The following CAMK2D variants were observed in gnomAD, a reference collection of about 807,000 sequenced individuals.
CAMK2D encodes the protein calcium/calmodulin-dependent protein kinase type II subunit delta.
A neutral mutation model predicts 84.0 loss-of-function variants in CAMK2D; 37 were observed. The observed-to-expected ratio is 0.44, with a 90% CI of 0.34 to 0.58. The LOEUF is 0.58. CAMK2D is among the 20% of genes least tolerant of loss of function. The pLI is 0.02. For missense variants in CAMK2D, 448 were observed against 652.5 expected, an observed-to-expected ratio of 0.69 and a Z score of 3.41; for synonymous variants, 202 against 212.5, an observed-to-expected ratio of 0.95 and a Z score of 0.43.
intron 4 of CAMK2D, among the ~76,000 whole-genome samples, chr4:113,583,749 T>G (rs1257754123): frequency 6.6e-6 from 1 of 152,256 alleles, no homozygotes; most frequent in Non-Finnish European, 1.5e-5. Context: ...ATGTACTTAC[T>G]GAAGTTATTT....
chr4:113,655,695 A>G (rs1380487620), intron 3 of CAMK2D, among the ~76,000 whole-genome samples: 1 of 152,114 alleles, frequency 6.6e-6, no homozygotes, highest in Non-Finnish European at 1.5e-5. Context: ...GTTGTCTCAA[A>G]TATTGATCTT....
intron 4 of CAMK2D, among the ~76,000 whole-genome samples, chr4:113,606,912 T>C (rs185508228): frequency 2.6e-5 from 4 of 152,144 alleles, no homozygotes; most frequent in African/African-American, 7.2e-5. Context: ...AGAGAACTAA[T>C]ACCTTATCTT....
intron 3 of CAMK2D, among the ~76,000 whole-genome samples, chr4:113,659,524 CAAG>C (rs2099218894): frequency 6.6e-6 from 1 of 152,094 alleles, no homozygotes; most frequent in South Asian, 2.1e-4. Flanking sequence ...GGTGTCCTTA[CAAG>C]AAGAAATGAG....
At chr4:113,734,816 A>G (rs1021614799) in intron 2 of CAMK2D, among the ~76,000 whole-genome samples, 1 of 152,058 alleles carries the variant, frequency 6.6e-6, no homozygotes, top group Non-Finnish European at 1.5e-5. Flanking sequence ...AAAAAGTATA[A>G]TATGACCATT....
rs527830719 is a variant in CAMK2D at position 113,457,408 on chromosome 4, C to T, written c.1462G>A (p.Val488Met). 1.2e-6 allele frequency: 2 copies of T among 1,613,896 alleles called. No individual in the cohort carries two copies. The highest frequency in any genetic ancestry group is 1.7e-6 in the Non-Finnish European group (2 of 1,179,824). The change falls in exon 19 of 21, where the codon GTG becomes ATG. Residue 488 changes from valine to methionine, a missense_variant. By Grantham distance (21) the Val-to-Met change is conservative (BLOSUM62 1). Transcript: ENST00000511664. The stretch of plus-strand genomic sequence containing the variant: ...CACTTTCCATCCCGGCGGTGCCACA[C>T]ACGAGTCTCTTCTGACTGCATTGTC... ...PKTMQSEETRVWHRRDGKWQN... is the reference protein window; with the variant it reads ...PKTMQSEETRMWHRRDGKWQN...
chr4:113,475,849 C>T (rs945710399), intron 16 of CAMK2D, among the ~76,000 whole-genome samples: 13 of 152,118 alleles, frequency 8.5e-5, no homozygotes, highest in Admixed American at 3.3e-4. Flanking sequence ...CCATCACTAT[C>T]CAGTCCATAG....
At chr4:113,597,814 T>A (rs1430202767) in intron 4 of CAMK2D, among the ~76,000 whole-genome samples, 19 of 152,236 alleles carry the variant, frequency 1.2e-4, no homozygotes, top group Non-Finnish European at 2.9e-5. Context: ...GATGTGTGAC[T>A]CTTCCTTTCA....
At chr4:113,629,814 A>G (rs1592189430) in intron 3 of CAMK2D, among the ~76,000 whole-genome samples, 1 of 146,578 alleles carries the variant, frequency 6.8e-6, no homozygotes, top group East Asian at 2.0e-4. Context: ...GAAAGGGAGG[A>G]AAAACAAATT....
chr4:113,502,972 G>A lies in CAMK2D; in HGVS notation c.1050C>T (p.Pro350=). Residue 350 remains proline, a synonymous_variant, in exon 15 of 21, where the codon CCC becomes CCT. Coordinates refer to ENST00000511664, the MANE Select transcript of CAMK2D (RefSeq NM_001321571.2). ...KENIPTPALE[P]QTTVIHNPDG... ...CAGGGTTGTGGATTACAGTAGTTTGGGGCTCCTGAGTGAGAACAAAATAGA... is the reference window on the plus strand; with the variant it reads ...CAGGGTTGTGGATTACAGTAGTTTGAGGCTCCTGAGTGAGAACAAAATAGA... 6.2e-7 allele frequency: 1 copy of A among 1,604,826 alleles called. No homozygotes were observed. Among genetic ancestry groups the A allele is most frequent in the South Asian group, 1.1e-5 (1 of 90,892 alleles).
At chr4:113,472,275 T>A (rs2097556321) in intron 16 of CAMK2D, among the ~76,000 whole-genome samples, 1 of 152,178 alleles carries the variant, frequency 6.6e-6, no homozygotes, top group Non-Finnish European at 1.5e-5. Flanking sequence ...TATAAAATAC[T>A]GTGTACATTT....
intron 4 of CAMK2D, among the ~76,000 whole-genome samples, chr4:113,572,699 T>C (rs993167714): frequency 6.6e-6 from 1 of 152,120 alleles, no homozygotes; most frequent in African/African-American, 2.4e-5. Flanking sequence ...GTAAATTAGT[T>C]CAATCATTGT....
At position 113,585,318 on chromosome 4, in the gene CAMK2D, T is replaced by G. The variant is rs189269857; in HGVS notation, c.275+23834A>C. The stretch of plus-strand genomic sequence containing the variant: ...ACGTGAGGAATTTCAGATTTGCAGT[T>G]GAACCTCTAAAGTGATTTTTTTCCC... On this transcript the variant is annotated intron_variant, in intron 4 of 20. Transcript: ENST00000511664. 6.6e-5 allele frequency among the ~76,000 whole-genome samples: 10 copies of G among 152,320 alleles called. No homozygotes were observed. In the East Asian group the frequency reaches 1.7e-3, roughly 26 times the overall value.
At chr4:113,508,551 G>A (rs1375822487) in intron 13 of CAMK2D, among the ~76,000 whole-genome samples, 1 of 152,168 alleles carries the variant, frequency 6.6e-6, no homozygotes, top group Non-Finnish European at 1.5e-5. Flanking sequence ...GTAACATTGG[G>A]AAAAAGGCAG....
rs1725980917 is a variant in CAMK2D, at chr4:113,761,282, C to T, written c.-214G>A. On this transcript the variant is annotated 5_prime_UTR_variant, in exon 1 of 21. Transcript: ENST00000511664. ...GGCGTGGGGTCTCCTCCCCACAGTCCGCCGATCCTCCTCCTCCTGCGGGCC... is the reference window on the plus strand; with the variant it reads ...GGCGTGGGGTCTCCTCCCCACAGTCTGCCGATCCTCCTCCTCCTGCGGGCC... 1 of 1,430,526 alleles carries T rather than the reference C, an allele frequency of 7.0e-7. No individual in the cohort carries two copies. 88.6% of individuals were successfully genotyped at this position (1,430,526 alleles called of 1,614,324 possible). A position where few individuals can be genotyped will look rare whatever the true frequency, so the allele number is the denominator to read the frequency against.
intron 2 of CAMK2D, chr4:113,753,824 T>C (rs1189115346): frequency 8.1e-6 from 8 of 982,834 alleles, no homozygotes; most frequent in Non-Finnish European, 9.7e-6. Flanking sequence ...AAGCCCCATC[T>C]ACATTATAGC....
intron 3 of CAMK2D, among the ~76,000 whole-genome samples, chr4:113,636,625 T>A (rs2099110746): frequency 6.6e-6 from 1 of 152,216 alleles, no homozygotes; most frequent in South Asian, 2.1e-4. Context: ...TGGTTTCAGA[T>A]GAAGACCTGC....
chr4:113,500,514 G>A lies in CAMK2D; in HGVS notation c.1087-3C>T. 1 of 1,589,682 alleles carries A rather than the reference G, an allele frequency of 6.3e-7. No individual in the cohort carries two copies. The highest frequency in any genetic ancestry group is 8.6e-7 in the Non-Finnish European group (1 of 1,162,022). ...GTATTTGAACTCTCAGTTGACTCCT[G>A]ATGAGAAGAAAACACATTTTTAGGT... On this transcript the variant is annotated splice_polypyrimidine_tract_variant and splice_region_variant and intron_variant, in intron 15 of 20. Transcript: ENST00000511664.
At chr4:113,522,109 T>C (rs1226503801) in intron 8 of CAMK2D, among the ~76,000 whole-genome samples, 1 of 152,226 alleles carries the variant, frequency 6.6e-6, no homozygotes, top group Non-Finnish European at 1.5e-5. Context: ...ATCGAGAACA[T>C]TCAAAATTGA....
intron 3 of CAMK2D, among the ~76,000 whole-genome samples, chr4:113,655,824 T>C (rs1362726944): frequency 2.0e-5 from 3 of 152,146 alleles, no homozygotes; most frequent in East Asian, 1.9e-4. Context: ...TGGACTCTTA[T>C]GGTTGAATTA....
Sources: gnomAD v4.1 joint callset for allele counts (sites outside exome capture counted in the v4.1 genomes callset) on GRCh38, gnomAD v4.1.1 for gene constraint, MANE v1.5 for transcripts, NCBI Gene and HGNC (gene_info 2026-07-23, HGNC 2026-07-21) for gene names.